The following C1QTNF9 variants were observed in gnomAD, a reference collection of about 807,000 sequenced individuals.
C1QTNF9 encodes the protein complement C1q and tumor necrosis factor-related protein 9A.
A neutral mutation model predicts 10.1 loss-of-function variants in C1QTNF9; 6 were observed. The observed-to-expected ratio is 0.59, with a 90% CI of 0.32 to 1.17. The LOEUF (loss-of-function observed/expected upper bound fraction) is 1.17, where lower values mean the gene tolerates loss of function less well. C1QTNF9 is among the 50% of genes most tolerant of loss of function. C1QTNF9 has a pLI of 0.04. For synonymous variants in C1QTNF9, 98 were observed against 163.5 expected (o/e 0.60, Z 3.06); for missense variants, 201 against 418.8 (o/e 0.48, Z 4.54).
At chr13:24,309,736 A>C (rs988917223) in intron 1 of C1QTNF9, 120 bp downstream of exon 1, 1 of 152,190 alleles carries the variant, frequency 6.6e-6, no homozygotes, top group Non-Finnish European at 1.5e-5. Flanking sequence ...TCAGATGTCT[A>C]TACAGTTTTG....
At chr13:24,315,842 G>A (rs1877999617) in intron 1 of C1QTNF9, 140 bp from the exon 2 acceptor site, 3 of 860,774 alleles carry the variant, frequency 3.5e-6, no homozygotes, top group South Asian at 1.8e-5. Flanking sequence ...CCCCTGCCCT[G>A]AGCCTTCTGT....
intron 3 of C1QTNF9, among the ~76,000 whole-genome samples, 184 bp from the exon 4 acceptor site, chr13:24,320,812 A>G (rs1878224854): frequency 6.6e-6 from 1 of 151,346 alleles, no homozygotes; most frequent in Admixed American, 6.6e-5. Context: ...CGGTCTCCCA[A>G]GGTGCTAGGA....
chr13:24,321,793 A>C (rs770345074), exon 4 of C1QTNF9: 4 of 1,528,614 alleles, frequency 2.6e-6, no homozygotes, highest in Non-Finnish European at 2.6e-6. Context: ...AAAATCCGCC[A>C]CACCATCCAT....
intron 3 of C1QTNF9, among the ~76,000 whole-genome samples, chr13:24,320,309 C>T (rs1051778070): frequency 4.6e-5 from 7 of 152,140 alleles, no homozygotes; most frequent in African/African-American, 7.2e-5. Flanking sequence ...ATTTAGTAGA[C>T]GGTAGTCAAA....
intron 1 of C1QTNF9, among the ~76,000 whole-genome samples, chr13:24,313,438 A>G (rs1480931019): frequency 1.3e-5 from 2 of 152,096 alleles, no homozygotes; most frequent in East Asian, 3.9e-4. Flanking sequence ...AAATTATAGA[A>G]CCCTCAACAA....
At chr13:24,311,032 G>A (rs752012923) in intron 1 of C1QTNF9, among the ~76,000 whole-genome samples, 6 of 151,994 alleles carry the variant, frequency 3.9e-5, no homozygotes, top group Admixed American at 1.3e-4. Flanking sequence ...CTCTTAGATC[G>A]TCAGATCCGG....
intron 2 of C1QTNF9, among the ~76,000 whole-genome samples, chr13:24,317,522 C>CAT (rs1878087805): frequency 6.6e-6 from 1 of 151,912 alleles, no homozygotes; most frequent in African/African-American, 2.4e-5. Flanking sequence ...CTACGTAGTT[C>CAT]ATAGGTATTA....
chr13:24,315,596 T>C (rs1190285053), intron 1 of C1QTNF9: 1 of 261,050 alleles, frequency 3.8e-6, no homozygotes, highest in African/African-American at 2.2e-5. Flanking sequence ...CTTCACTACT[T>C]GGAATGTGCC....
At chr13:24,314,909 G>A (rs1593533132) in intron 1 of C1QTNF9, among the ~76,000 whole-genome samples, 1 of 133,302 alleles carries the variant, frequency 7.5e-6, no homozygotes, top group South Asian at 2.2e-4. Flanking sequence ...GTTTCCGTGT[G>A]TGTGGCCCTT....
chr13:24,321,708 G>A, exon 4 of C1QTNF9: 1 of 1,610,004 alleles, frequency 6.2e-7, no homozygotes, highest in Non-Finnish European at 8.5e-7. Context: ...TCAATGGCTT[G>A]TTTGCTGATG....
intron 1 of C1QTNF9, among the ~76,000 whole-genome samples, chr13:24,313,844 TAC>T (rs1877928643): frequency 6.6e-6 from 1 of 152,262 alleles, no homozygotes; most frequent in Admixed American, 6.5e-5. Flanking sequence ...TCAATATTCA[TAC>T]AGTCGTAAGT....
At chr13:24,308,881 A>G (rs1158552989), upstream of C1QTNF9, among the ~76,000 whole-genome samples, 3 of 152,210 alleles carry the variant, frequency 2.0e-5, no homozygotes, top group African/African-American at 7.2e-5. Flanking sequence ...AGACACGAGG[A>G]AAGTGAGTCC....
At chr13:24,307,666 A>G (rs188764338), upstream of C1QTNF9, among the ~76,000 whole-genome samples, 2,289 of 152,308 alleles carry the variant, frequency 0.015, 23 homozygotes, top group Non-Finnish European at 0.023. Context: ...GGCGGTCGCT[A>G]GGGTGGGGAG....
chr13:24,321,149 G>A (rs2138813074), exon 4 of C1QTNF9: 1 of 1,346,364 alleles, frequency 7.4e-7, no homozygotes. Flanking sequence ...GGGAATAAGG[G>A]TGACGTGGGT....
At chr13:24,309,216 A>T (rs1877717905), upstream of C1QTNF9, among the ~76,000 whole-genome samples, 1 of 150,188 alleles carries the variant, frequency 6.7e-6, no homozygotes, top group Non-Finnish European at 1.5e-5. Context: ...CAGCACACCA[A>T]CATGGCTCAT....
chr13:24,317,992 G>A (rs910459531), intron 2 of C1QTNF9, among the ~76,000 whole-genome samples: 1 of 152,156 alleles, frequency 6.6e-6, no homozygotes, highest in African/African-American at 2.4e-5. Context: ...AAGTCTGCCT[G>A]TGTCAGTCCT....
intron 1 of C1QTNF9, among the ~76,000 whole-genome samples, chr13:24,311,820 C>T (rs1482385093): frequency 6.6e-6 from 1 of 152,174 alleles, no homozygotes; most frequent in Non-Finnish European, 1.5e-5. Context: ...TTTCTATCCC[C>T]AAATTGTTGC....
upstream of C1QTNF9, among the ~76,000 whole-genome samples, chr13:24,307,423 A>T (rs1224004844): frequency 1.3e-5 from 2 of 152,226 alleles, no homozygotes; most frequent in African/African-American, 4.8e-5. Context: ...CTGCCACAGG[A>T]GCTGTGCTAG....
intron 1 of C1QTNF9, among the ~76,000 whole-genome samples, 196 bp downstream of exon 1, chr13:24,309,812 G>A (rs1877742402): frequency 6.6e-6 from 1 of 152,178 alleles, no homozygotes; most frequent in Admixed American, 6.5e-5. Flanking sequence ...GGAGATAAAA[G>A]CAGATTTTGA....
Sources: allele counts gnomAD v4.1 joint callset (sites outside exome capture counted in the v4.1 genomes callset), GRCh38; gene constraint gnomAD v4.1.1; transcripts MANE v1.5; gene names NCBI Gene and HGNC (gene_info 2026-07-23, HGNC 2026-07-21).